The following IL17B variants were observed in gnomAD, a reference collection of about 807,000 sequenced individuals.
IL17B encodes interleukin 17B, also known as interleukin-17B.
In IL17B, 14 loss-of-function variants were observed where a neutral mutation model predicts 14.7. That is an observed-to-expected ratio of 0.95 (90% CI 0.63 to 1.49). The LOEUF (loss-of-function observed/expected upper bound fraction) is 1.49. IL17B is among the 40% of genes most tolerant of loss of function. The probability of loss-of-function intolerance (pLI) is 0.00; values close to 1 mark genes in which losing one functional copy is unlikely to be tolerated. For synonymous variants in IL17B, 105 were observed against 94.8 expected (o/e 1.11, Z -0.62); for missense variants, 233 against 252.8 (o/e 0.92, Z 0.53).
chr5:149,389,952 G>T (rs1168372427), intron 1 of IL17B, among the ~76,000 whole-genome samples: 1 of 152,160 alleles, frequency 6.6e-6, no homozygotes, highest in Non-Finnish European at 1.5e-5. Context: ...GGCAGGGGTT[G>T]GGGCCTCAAG....
rs191616849 is a variant in IL17B at position 149,390,454 on chromosome 5, T to A, written n.96-13429A>T. Among the ~76,000 whole-genome samples, 5 of 151,852 alleles carry A rather than the reference T, an allele frequency of 3.3e-5. No individual in the cohort carries two copies. In the South Asian group the frequency reaches 8.3e-4, roughly 25 times the overall value. ...CTTAAGGTCCAGCCCAGCTACCACG[T>A]AGTGACACCCCCCTCCTCATTCAGG... On this transcript the variant is annotated intron_variant and non_coding_transcript_variant, in intron 1 of 2. Transcript: ENST00000505432.
intron 1 of IL17B, among the ~76,000 whole-genome samples, chr5:149,403,002 C>CAA (rs36121550): frequency 2.5e-4 from 15 of 60,558 alleles, no homozygotes; most frequent in East Asian, 8.6e-4. Flanking sequence ...GACTCCATCT[C>CAA]AAAAAAAAAA....
At chr5:149,387,775 CAAAAAAAAAA>C (rs57775228) in intron 1 of IL17B, among the ~76,000 whole-genome samples, 3 of 81,348 alleles carry the variant, frequency 3.7e-5, no homozygotes, top group Non-Finnish European at 7.2e-5. Context: ...GCCCCTGTCT[CAAAAAAAAAA>C]AAAAAAAAAA....
chr5:149,383,332 G>A (rs1758747537), upstream of IL17B, among the ~76,000 whole-genome samples: 1 of 152,226 alleles, frequency 6.6e-6, no homozygotes, highest in South Asian at 2.1e-4. Flanking sequence ...GTGGGGACAA[G>A]GCTAGAACCA....
upstream of IL17B, among the ~76,000 whole-genome samples, chr5:149,381,899 G>A (rs574617991): frequency 5.3e-5 from 8 of 152,344 alleles, no homozygotes; most frequent in East Asian, 9.7e-4. Context: ...CCCCACGAGT[G>A]AGGCTGGGGT....
intron 1 of IL17B, among the ~76,000 whole-genome samples, chr5:149,390,219 C>CCCCCCG (rs1758910818): frequency 6.9e-6 from 1 of 145,430 alleles, no homozygotes; most frequent in Non-Finnish European, 1.5e-5. Context: ...TATTAGTGAC[C>CCCCCCG]CCCCCCCTCC....
At chr5:149,397,587 A>G (rs1343082894) in intron 1 of IL17B, among the ~76,000 whole-genome samples, 1 of 152,258 alleles carries the variant, frequency 6.6e-6, no homozygotes, top group African/African-American at 2.4e-5. Context: ...CACAATAAAA[A>G]GAAATGCTAT....
At chr5:149,378,701 T>C (rs1758609273) in intron 1 of IL17B, among the ~76,000 whole-genome samples, 1 of 152,216 alleles carries the variant, frequency 6.6e-6, no homozygotes, top group African/African-American at 2.4e-5. Context: ...AGTGCTAAAT[T>C]CTTCCTTTTT....
Position 149,376,930 on chromosome 5 carries a change from G to A in IL17B, c.117C>T (p.Ala39=). 6.2e-7 allele frequency: 1 copy of A among 1,613,868 alleles called. No homozygotes were observed. The highest frequency in any genetic ancestry group is 8.5e-7 in the Non-Finnish European group (1 of 1,179,914). ...RKGQGRPGPL[A]PGPHQVPLDL... Reference sequence around the variant, plus strand: ...CCAGTGGCACCTGGTGAGGGCCAGGGGCCAGGGGCCCAGGCCGCCCTTGCC... The same window carrying A: ...CCAGTGGCACCTGGTGAGGGCCAGGAGCCAGGGGCCCAGGCCGCCCTTGCC... The change falls in exon 2 of 3, where the codon GCC becomes GCT. Residue 39 remains alanine (A), a synonymous_variant. Transcript: ENST00000261796.
intron 2 of IL17B, among the ~76,000 whole-genome samples, chr5:149,376,130 G>A (rs1758524609): frequency 6.6e-6 from 1 of 152,248 alleles, no homozygotes; most frequent in Admixed American, 6.5e-5. Flanking sequence ...CTATGGGTCA[G>A]GCACTGAGCA....
intron 2 of IL17B, among the ~76,000 whole-genome samples, chr5:149,375,706 G>T (rs1242098113): frequency 6.6e-6 from 1 of 152,044 alleles, no homozygotes; most frequent in African/African-American, 2.4e-5. Context: ...GGGCAACATA[G>T]TGAGATCCTG....
At chr5:149,383,613 C>T (rs578074969), upstream of IL17B, among the ~76,000 whole-genome samples, 3 of 152,326 alleles carry the variant, frequency 2.0e-5, no homozygotes, top group East Asian at 1.9e-4. Flanking sequence ...ATGCTTGCCT[C>T]GCTGCTCACT....
intron 1 of IL17B, among the ~76,000 whole-genome samples, chr5:149,392,794 TTCTC>T (rs1758997386): frequency 6.6e-6 from 1 of 152,166 alleles, no homozygotes; most frequent in Admixed American, 6.5e-5. Context: ...TTCTCTCTCT[TTCTC>T]TCCCTCTGGA....
intron 1 of IL17B, among the ~76,000 whole-genome samples, chr5:149,395,033 G>A (rs780040523): frequency 1.3e-5 from 2 of 152,118 alleles, no homozygotes; most frequent in Non-Finnish European, 2.9e-5. Flanking sequence ...CCCTCAGGCA[G>A]GCCCCAGTAT....
chr5:149,379,276 G>A lies in IL17B; in HGVS notation c.-51C>T, dbSNP rs1231945600. On this transcript the variant is annotated 5_prime_UTR_variant, in exon 1 of 3. Transcript: ENST00000261796. ...CAGCTGCTGCCCGCCTGGAACCCCA[G>A]ATGCCGCCGAGAGAATGGCAGCAAC... 2 of 1,610,936 alleles carry A rather than the reference G, an allele frequency of 1.2e-6. No homozygotes were observed. Among genetic ancestry groups the A allele is most frequent in the Non-Finnish European group, 1.7e-6 (2 of 1,177,924 alleles).
chr5:149,382,836 G>A (rs1192579596), upstream of IL17B, among the ~76,000 whole-genome samples: 1 of 152,222 alleles, frequency 6.6e-6, no homozygotes, highest in Non-Finnish European at 1.5e-5. Context: ...GGGGATCCGA[G>A]AGCTCCCAGG....
At chr5:149,386,798 C>T (rs868840189) in intron 1 of IL17B, among the ~76,000 whole-genome samples, 26 of 152,266 alleles carry the variant, frequency 1.7e-4, no homozygotes, top group Middle Eastern at 6.8e-3. Flanking sequence ...CTCTGCCTCC[C>T]GGGTTCAAGC....
At chr5:149,389,707 T>C (rs1758900063) in intron 1 of IL17B, among the ~76,000 whole-genome samples, 1 of 152,220 alleles carries the variant, frequency 6.6e-6, no homozygotes, top group Non-Finnish European at 1.5e-5. Context: ...AAGAGTCCTA[T>C]AAACATTACC....
chr5:149,399,226 G>A (rs148439261), intron 1 of IL17B, among the ~76,000 whole-genome samples: 69 of 152,268 alleles, frequency 4.5e-4, no homozygotes, highest in African/African-American at 1.6e-3. Context: ...GGCCCTGCCC[G>A]GGTGCTGTCA....
Sources: gnomAD v4.1 joint callset for allele counts (sites outside exome capture counted in the v4.1 genomes callset) on GRCh38, gnomAD v4.1.1 for gene constraint, MANE v1.5 for transcripts, NCBI Gene and HGNC (gene_info 2026-07-23, HGNC 2026-07-21) for gene names.